Variants in SEC23IP observed in about 807,000 individuals in gnomAD.
SEC23IP encodes SEC23 interacting protein.
A neutral mutation model predicts 113.4 loss-of-function variants in SEC23IP; 70 were observed. That is an observed-to-expected ratio of 0.62 (90% confidence interval 0.51 to 0.75). The LOEUF is 0.75. SEC23IP is among the 30% of genes least tolerant of loss of function. The pLI, the probability that SEC23IP is intolerant of heterozygous loss-of-function variation, is 0.00. For missense variants in SEC23IP, 1,160 were observed against 1,204.9 expected (o/e 0.96, Z 0.55); for synonymous variants, 398 against 421.0 (o/e 0.95, Z 0.67).
chr10:119,907,225 G>C (rs1241557231), intron 4 of SEC23IP, among the ~76,000 whole-genome samples: 1 of 151,974 alleles, frequency 6.6e-6, no homozygotes, highest in Non-Finnish European at 1.5e-5. Context: ...GAACCTGGGA[G>C]GCGGAGGTTG....
At chr10:119,916,065 G>T (rs980602595) in intron 8 of SEC23IP, among the ~76,000 whole-genome samples, 176 bp downstream of exon 8, 1 of 152,164 alleles carries the variant, frequency 6.6e-6, no homozygotes, top group Non-Finnish European at 1.5e-5. Context: ...CTCTCTGTGT[G>T]TGTGCATTCC....
rs375854605 is a variant in SEC23IP, at chr10:119,919,486, CTTG to C, written c.1922_1924del (p.Val641del). 57 of 1,612,736 alleles carry C rather than the reference CTTG, an allele frequency of 3.5e-5. No individual in the cohort carries two copies. The East Asian group carries it at 5.1e-4, about 15-fold the overall frequency. On this transcript the variant is annotated inframe_deletion, in exon 11 of 19. Coordinates refer to ENST00000369075, the MANE Select transcript of SEC23IP (RefSeq NM_007190.4). ...GCTGACTTTGGATGAGTCGTATGAC[CTTG>C]TTGTTGAAAATAAAGAAGTCCTAAC...
In SEC23IP at chr10:119,918,516, G is replaced by T. The variant is rs368038226; in HGVS notation, c.1872+5G>T. 1 of 1,520,992 alleles carries T rather than the reference G, an allele frequency of 6.6e-7. No homozygotes were observed. The highest frequency in any genetic ancestry group is 1.1e-5 in the South Asian group (1 of 89,066). 94.2% of individuals were successfully genotyped at this position (1,520,992 alleles called of 1,614,324 possible). ...CTACATTTTCAGGAAAAGCAGGTACGTCTGTACGTGGCCAATTAACATTTC... is the reference window on the plus strand; with the variant it reads ...CTACATTTTCAGGAAAAGCAGGTACTTCTGTACGTGGCCAATTAACATTTC... On this transcript the variant is annotated splice_donor_5th_base_variant and intron_variant, in intron 10 of 18. Coordinates refer to ENST00000369075, the MANE Select transcript of SEC23IP (RefSeq NM_007190.4).
chr10:119,936,343 G>A (rs868660673), intron 18 of SEC23IP, among the ~76,000 whole-genome samples: 14 of 151,904 alleles, frequency 9.2e-5, no homozygotes, highest in African/African-American at 2.9e-4. Flanking sequence ...GATCACTTGA[G>A]GTCAGGAGTT....
rs113407185 is a variant in SEC23IP, at chr10:119,914,646, G to A, written c.1313-84G>A. ...ATTTCTTTGGCAAGTTTGTGATGAC[G>A]AAAGGGATATCTAGAATATTGCCAT... On this transcript the variant is annotated intron_variant, in intron 6 of 18. Coordinates refer to ENST00000369075, the MANE Select transcript of SEC23IP (RefSeq NM_007190.4). 214 of 1,079,860 alleles carry A rather than the reference G, an allele frequency of 2.0e-4. No individual in the cohort carries two copies. In the African/African-American group the frequency reaches 2.2e-3, roughly 11 times the overall value. The allele number at this position is 1,079,860 out of a possible 1,614,324, so 66.9% of individuals were successfully genotyped here.
At chr10:119,905,476 C>G (rs1461138649) in intron 4 of SEC23IP, among the ~76,000 whole-genome samples, 2 of 152,166 alleles carry the variant, frequency 1.3e-5, no homozygotes, top group African/African-American at 4.8e-5. Context: ...ACTGCAGCAA[C>G]ACATGGCTAC....
chr10:119,920,768 T>C (rs1279040722), intron 11 of SEC23IP, 121 bp from the exon 12 acceptor site: 6 of 603,040 alleles, frequency 9.9e-6, no homozygotes, highest in Non-Finnish European at 1.7e-5. Flanking sequence ...AACTAACTTG[T>C]AAAAAGTTGA....
At position 119,919,480 on chromosome 10, in the gene SEC23IP, T is replaced by A. The variant is rs1216842869; in HGVS notation, c.1909T>A (p.Tyr637Asn). The A allele has an allele frequency of 2.5e-6, 4 of 1,612,542 alleles. No homozygotes were observed. In the African/African-American group the frequency reaches 5.3e-5, roughly 22 times the overall value. Residue 637 changes from tyrosine to asparagine, a missense_variant, in exon 11 of 19, where the codon TAT (tyrosine) becomes AAT (asparagine). By Grantham distance (143) the Tyr-to-Asn change is moderately radical. Coordinates refer to ENST00000369075, the MANE Select transcript of SEC23IP (RefSeq NM_007190.4). ...EEPKLTLDESYDLVVENKEVL... is the reference protein window; with the variant it reads ...EEPKLTLDESNDLVVENKEVL... ...GCCAAAGCTGACTTTGGATGAGTCG[T>A]ATGACCTTGTTGTTGAAAATAAAGA...
At position 119,898,814 on chromosome 10, in the gene SEC23IP, G is replaced by T. The variant is rs979017697; in HGVS notation, c.551G>T (p.Arg184Leu). 6.2e-7 allele frequency: 1 copy of T among 1,613,914 alleles called. No individual in the cohort carries two copies. The highest frequency in any genetic ancestry group is 8.5e-7 in the Non-Finnish European group (1 of 1,179,996). The change falls in exon 2 of 19, where the codon CGC becomes CTC. Residue 184 changes from arginine to leucine, a missense_variant. Arg to Leu is a moderately radical substitution (Grantham distance 102). Coordinates refer to ENST00000369075, the MANE Select transcript of SEC23IP (RefSeq NM_007190.4). Reference protein sequence around the residue: ...GIPQPGYNPYRHTPGSSRANP... With the variant: ...GIPQPGYNPYLHTPGSSRANP... ...CCCCAACCAGGATACAATCCATATC[G>T]CCATACCCCTGGCAGCAGCAGGGCT...
intron 18 of SEC23IP, among the ~76,000 whole-genome samples, chr10:119,937,657 C>T (rs915928246): frequency 1.3e-5 from 2 of 151,410 alleles, no homozygotes; most frequent in Non-Finnish European, 2.9e-5. Context: ...AAAAACATAG[C>T]CCAGTCTTTT....
chr10:119,912,646 T>C (rs1854904301), intron 6 of SEC23IP, among the ~76,000 whole-genome samples: 1 of 150,270 alleles, frequency 6.7e-6, no homozygotes. Flanking sequence ...CTTTTTCTTT[T>C]TTTTTTTTTT....
intron 2 of SEC23IP, among the ~76,000 whole-genome samples, chr10:119,900,979 T>G (rs1245246916): frequency 6.7e-6 from 1 of 149,696 alleles, no homozygotes; most frequent in Non-Finnish European, 1.5e-5. Context: ...TAAATGTTAC[T>G]AAGATTTTTT....
At chr10:119,893,975 T>C (rs1288802543) in intron 1 of SEC23IP, among the ~76,000 whole-genome samples, 4 of 152,180 alleles carry the variant, frequency 2.6e-5, no homozygotes, top group Non-Finnish European at 5.9e-5. Flanking sequence ...CAGAGCATAG[T>C]GTTTAAGAGC....
chr10:119,923,161 T>C (rs888691232), intron 12 of SEC23IP, among the ~76,000 whole-genome samples: 3 of 152,142 alleles, frequency 2.0e-5, no homozygotes, highest in Admixed American at 2.0e-4. Context: ...CTGCAGTTGC[T>C]TAGATATATA....
intron 1 of SEC23IP, among the ~76,000 whole-genome samples, chr10:119,893,342 G>A (rs1214043449): frequency 1.3e-5 from 2 of 151,920 alleles, no homozygotes; most frequent in Non-Finnish European, 2.9e-5. Context: ...TACCTCCTAG[G>A]ATGGACTGTG....
chr10:119,923,303 CA>C (rs1855309613), intron 12 of SEC23IP, among the ~76,000 whole-genome samples: 1 of 151,866 alleles, frequency 6.6e-6, no homozygotes, highest in African/African-American at 2.4e-5. Flanking sequence ...GATTGCTTTA[CA>C]CTTCTTACAG....
intron 15 of SEC23IP, 86 bp from the exon 16 acceptor site, chr10:119,932,047 T>C (rs1184549317): frequency 9.7e-6 from 8 of 822,506 alleles, no homozygotes; most frequent in Non-Finnish European, 1.7e-5. Context: ...TTATCCTGTC[T>C]GAGAAGAGTG....
At chr10:119,913,408 T>C (rs34572248) in intron 6 of SEC23IP, among the ~76,000 whole-genome samples, 2 of 149,268 alleles carry the variant, frequency 1.3e-5, no homozygotes, top group East Asian at 3.9e-4. Flanking sequence ...ACATGGACTC[T>C]GTTACAAACT....
rs369624921 is a variant in SEC23IP at position 119,942,862 on chromosome 10, G to A, written c.*2297G>A. ...TTCTCAAAACCACAGTATAAGACAAGGAAACTGCACAGATTCGAGTGATTT... is the reference window on the plus strand; with the variant it reads ...TTCTCAAAACCACAGTATAAGACAAAGAAACTGCACAGATTCGAGTGATTT... On this transcript the variant is annotated 3_prime_UTR_variant, in exon 19 of 19. Coordinates refer to ENST00000369075, the MANE Select transcript of SEC23IP (RefSeq NM_007190.4). 3 of 152,138 alleles carry A rather than the reference G, an allele frequency of 2.0e-5. No individual in the cohort carries two copies. Among genetic ancestry groups the A allele is most frequent in the African/African-American group, 7.2e-5 (3 of 41,434 alleles). The allele number at this position is 152,138 out of a possible 1,614,324, so 9.4% of individuals were successfully genotyped here. A position where few individuals can be genotyped will look rare whatever the true frequency, so the allele number is the denominator to read the frequency against.
Sources: gnomAD v4.1 joint callset for allele counts (sites outside exome capture counted in the v4.1 genomes callset) on GRCh38, gnomAD v4.1.1 for gene constraint, MANE v1.5 for transcripts, NCBI Gene and HGNC (gene_info 2026-07-23, HGNC 2026-07-21) for gene names.